The following PRMT8 variants were observed in gnomAD, a reference collection of about 807,000 sequenced individuals.
The protein encoded by PRMT8 is protein arginine methyltransferase 8, also known as protein arginine N-methyltransferase 8.
Under a neutral mutation model 47.1 loss-of-function variants are expected in PRMT8, and 7 were observed. The observed-to-expected ratio is 0.15, with a 90% confidence interval of 0.08 to 0.28. The LOEUF (loss-of-function observed/expected upper bound fraction) is 0.28. PRMT8 is among the 10% of genes least tolerant of loss of function. The probability of loss-of-function intolerance (pLI) is 1.00; values close to 1 mark genes in which losing one functional copy is unlikely to be tolerated. For synonymous variants in PRMT8, 188 were observed against 186.5 expected (o/e 1.01, Z -0.07); for missense variants, 237 against 505.4 (o/e 0.47, Z 5.09).
At chr12:3,392,192 T>A (rs1259516687) in intron 1 of PRMT8, among the ~76,000 whole-genome samples, 1 of 152,054 alleles carries the variant, frequency 6.6e-6, no homozygotes, top group East Asian at 1.9e-4. Context: ...TTTATTTTAT[T>A]TTTTTATTTT....
chr12:3,432,081 G>A (rs555633529), intron 1 of PRMT8, among the ~76,000 whole-genome samples: 16 of 152,284 alleles, frequency 1.1e-4, no homozygotes, highest in African/African-American at 3.6e-4. Context: ...AAGGGGTTGC[G>A]AGGAGACGTG....
At chr12:3,471,189 C>T (rs1322280458) in intron 1 of PRMT8, among the ~76,000 whole-genome samples, 1 of 152,040 alleles carries the variant, frequency 6.6e-6, no homozygotes, top group Non-Finnish European at 1.5e-5. Flanking sequence ...CCAGGGCTTC[C>T]TTCTGGGTGG....
chr12:3,489,999 T>C (rs1591566781), upstream of PRMT8, among the ~76,000 whole-genome samples: 1 of 152,296 alleles, frequency 6.6e-6, no homozygotes, highest in Non-Finnish European at 1.5e-5. Flanking sequence ...CTACTGAGAA[T>C]GATTCTAGAC....
In PRMT8 at chr12:3,564,548, G is replaced by T. The variant is rs1441549444; in HGVS notation, c.482-4158G>T. On this transcript the variant is annotated intron_variant, in intron 4 of 9. Coordinates refer to ENST00000382622, the MANE Select transcript of PRMT8 (RefSeq NM_019854.5). This position sits in a 1 kb window ranked among gnomAD's most constrained non-coding sequence, Gnocchi z 4.0. The stretch of plus-strand genomic sequence containing the variant: ...CTACAGGAGAAGTTTTCCCAATTTA[G>T]AGTCTATTGCTCCCTGCTGTGCATT... Among the ~76,000 whole-genome samples, 1 of 152,218 alleles carries T rather than the reference G, an allele frequency of 6.6e-6. No homozygotes were observed. Among genetic ancestry groups the T allele is most frequent in the Non-Finnish European group, 1.5e-5 (1 of 68,034 alleles).
At chr12:3,389,683 C>T (rs1383841415) in intron 1 of PRMT8, among the ~76,000 whole-genome samples, 1 of 152,172 alleles carries the variant, frequency 6.6e-6, no homozygotes, top group Non-Finnish European at 1.5e-5. Context: ...CATCTACTGC[C>T]CTGGGGACAC....
chr12:3,580,562 T>C lies in PRMT8; in HGVS notation c.829-2496T>C, dbSNP rs1472247126. On this transcript the variant is annotated intron_variant, in intron 7 of 9. Transcript: ENST00000382622. This position sits in a 1 kb window ranked among gnomAD's most constrained non-coding sequence, Gnocchi z 4.6. ...AGAAGAAGATTGATGAGTCAACACA[T>C]ATTGCTGTGTATTAGGTGCTGCTGT... 6.6e-6 allele frequency among the ~76,000 whole-genome samples: 1 copy of C among 152,140 alleles called. No homozygotes were observed. Among genetic ancestry groups the C allele is most frequent in the East Asian group, 1.9e-4 (1 of 5,184 alleles).
Position 3,552,517 on chromosome 12 carries a change from G to A in PRMT8, c.418-1134G>A, listed in dbSNP as rs762609673. 6.3e-6 allele frequency: 2 copies of A among 316,688 alleles called. No individual in the cohort carries two copies. The highest frequency in any genetic ancestry group is 1.3e-5 in the Non-Finnish European group (2 of 157,164). 19.6% of individuals were successfully genotyped at this position (316,688 alleles called of 1,614,324 possible). A position where few individuals can be genotyped will look rare whatever the true frequency, so the allele number is the denominator to read the frequency against. On this transcript the variant is annotated intron_variant, in intron 3 of 9. Coordinates refer to ENST00000382622, the MANE Select transcript of PRMT8 (RefSeq NM_019854.5). The surrounding 1 kb of genome is among the most constrained non-coding windows in gnomAD (Gnocchi z 4.5). ...TCACTCAACATGGTCGCCTCTTGCA[G>A]ATCAGATGATGACATGGCCAGAGGG...
At chr12:3,410,655 C>T (rs1025465067) in intron 1 of PRMT8, among the ~76,000 whole-genome samples, 9 of 152,156 alleles carry the variant, frequency 5.9e-5, no homozygotes, top group African/African-American at 1.9e-4. Flanking sequence ...ACTACAGGCA[C>T]GCGCCACCAT....
intron 1 of PRMT8, among the ~76,000 whole-genome samples, chr12:3,475,459 A>T (rs1591561489): frequency 6.6e-6 from 1 of 152,150 alleles, no homozygotes. Flanking sequence ...TCAGAACATT[A>T]CTTTCCAGCA....
In PRMT8 at chr12:3,437,244, C is replaced by G. The variant is rs571027455; in HGVS notation, c.48+55802C>G. ...CTTCTGCAACTTCATTTTTCCCCCT[C>G]AACCATATGACATAGAAAGTTTCTA... On this transcript the variant is annotated intron_variant, in intron 1 of 9. Coordinates refer to the PRMT8 transcript ENST00000452611. Among the ~76,000 whole-genome samples the G allele has an allele frequency of 7.2e-5, 11 of 152,118 alleles. No individual in the cohort carries two copies. The East Asian group carries it at 2.1e-3, about 29-fold the overall frequency.
chr12:3,445,988 G>A (rs1407843009), intron 1 of PRMT8, among the ~76,000 whole-genome samples: 2 of 152,056 alleles, frequency 1.3e-5, no homozygotes, highest in African/African-American at 4.8e-5. Flanking sequence ...AGATTGATAA[G>A]CCTTCACTAT....
intron 1 of PRMT8, among the ~76,000 whole-genome samples, chr12:3,444,558 T>C (rs1035926863): frequency 2.6e-5 from 4 of 152,252 alleles, no homozygotes; most frequent in African/African-American, 9.6e-5. Flanking sequence ...TCAGCAAATG[T>C]TGAGCGAAGG....
At chr12:3,504,977 G>A (rs9706115) in intron 1 of PRMT8, among the ~76,000 whole-genome samples, 24 of 112,778 alleles carry the variant, frequency 2.1e-4, no homozygotes, top group African/African-American at 5.6e-4. Flanking sequence ...AGGTGCGTCC[G>A]TCACCCCTTT....
chr12:3,533,438 GA>G (rs1346266138), intron 1 of PRMT8, among the ~76,000 whole-genome samples: 2 of 152,220 alleles, frequency 1.3e-5, no homozygotes, highest in African/African-American at 4.8e-5. Flanking sequence ...AAAATACTAT[GA>G]GATTTTGTTT....
At chr12:3,396,960 A>G (rs540568888) in intron 1 of PRMT8, among the ~76,000 whole-genome samples, 78 of 151,262 alleles carry the variant, frequency 5.2e-4, no homozygotes, top group African/African-American at 1.9e-3. Context: ...CATTTCATTC[A>G]TTTCATCTTC....
intron 1 of PRMT8, among the ~76,000 whole-genome samples, chr12:3,512,250 C>T (rs1424154313): frequency 6.6e-6 from 1 of 152,140 alleles, no homozygotes; most frequent in Non-Finnish European, 1.5e-5. Flanking sequence ...CTCCCACCTC[C>T]CTGACTGTTC....
At chr12:3,424,292 G>T (rs1275316306) in intron 1 of PRMT8, among the ~76,000 whole-genome samples, 1 of 152,140 alleles carries the variant, frequency 6.6e-6, no homozygotes, top group East Asian at 1.9e-4. Context: ...GCTCTAAGGG[G>T]TTACATTGTC....
intron 1 of PRMT8, among the ~76,000 whole-genome samples, chr12:3,396,167 A>G (rs1411869427): frequency 6.6e-6 from 1 of 152,062 alleles, no homozygotes; most frequent in Non-Finnish European, 1.5e-5. Context: ...TCTTTATCCA[A>G]TTTGCCAGTT....
chr12:3,384,565 G>A (rs1864122251), intron 1 of PRMT8, among the ~76,000 whole-genome samples: 1 of 152,176 alleles, frequency 6.6e-6, no homozygotes, highest in Admixed American at 6.5e-5. Context: ...TGTTCTCTGT[G>A]ATTCTCTGGG....
Sources: allele counts gnomAD v4.1 joint callset (sites outside exome capture counted in the v4.1 genomes callset), GRCh38; gene constraint gnomAD v4.1.1; non-coding constraint Gnocchi (gnomAD v3.1); transcripts MANE v1.5; gene names NCBI Gene and HGNC (gene_info 2026-07-23, HGNC 2026-07-21).